PLCZ1: variants seen among roughly 807,000 people sequenced by gnomAD.
PLCZ1 encodes the protein phospholipase C zeta 1.
Under a neutral mutation model 76.8 loss-of-function variants are expected in PLCZ1, and 64 were observed. That is an observed-to-expected ratio of 0.83 (90% CI 0.68 to 1.03). PLCZ1 has a LOEUF of 1.03. Ranked by LOEUF, PLCZ1 falls within the 50% of genes least tolerant of loss-of-function variation. PLCZ1 has a pLI of 0.00. For missense variants in PLCZ1, 751 were observed against 713.7 expected (o/e 1.05, Z -0.60); for synonymous variants, 248 against 230.8 (o/e 1.07, Z -0.68).
At chr12:18,698,044 C>T (rs1248423167) in intron 10 of PLCZ1, among the ~76,000 whole-genome samples, 2 of 151,300 alleles carry the variant, frequency 1.3e-5, no homozygotes, top group Non-Finnish European at 1.5e-5. Context: ...GCTGTGCCTA[C>T]AGGTCCTGTC....
At chr12:18,683,041 G>A (rs984018835), downstream of PLCZ1, 5 of 592,850 alleles carry the variant, frequency 8.4e-6, no homozygotes, top group South Asian at 1.0e-4. Flanking sequence ...ACGCCATGCT[G>A]GGTTAGGACC....
At chr12:18,683,022 C>T, downstream of PLCZ1, 1 of 535,846 alleles carries the variant, frequency 1.9e-6, no homozygotes. Context: ...GAGAAATCAG[C>T]AAACAAGAAC....
chr12:18,655,259 C>A, the PLCZ1 span, among the ~76,000 whole-genome samples: 1 of 152,138 alleles, frequency 6.6e-6, no homozygotes, highest in African/African-American at 2.4e-5. Flanking sequence ...TCCAGTGGTC[C>A]TCCAGCTGAA....
chr12:18,659,618 T>C, the PLCZ1 span, among the ~76,000 whole-genome samples: 517 of 151,940 alleles, frequency 3.4e-3, 3 homozygotes, highest in Non-Finnish European at 4.5e-3. Flanking sequence ...TTCATTTACG[T>C]GTCAGGCCTC....
rs542075233 is a variant in PLCZ1 at position 18,723,604 on chromosome 12, T to C, written c.136-62A>G. ...TATAAAAAATACATAAAATGAATAT[T>C]AGAGTATTTATGTAACATGTAGTAA... On this transcript the variant is annotated intron_variant, in intron 3 of 14. Transcript: ENST00000266505. 2.9e-5 allele frequency: 36 copies of C among 1,231,070 alleles called. No individual in the cohort carries two copies. The African/African-American group carries it at 4.4e-4, about 15-fold the overall frequency. The allele number at this position is 1,231,070 out of a possible 1,614,324, so 76.3% of individuals were successfully genotyped here. A position where few individuals can be genotyped will look rare whatever the true frequency, so the allele number is the denominator to read the frequency against.
intron 13 of PLCZ1, among the ~76,000 whole-genome samples, chr12:18,685,236 A>T (rs141843147): frequency 4.6e-5 from 7 of 152,132 alleles, no homozygotes; most frequent in Admixed American, 4.6e-4. Context: ...GATGAATTTC[A>T]ATCTCTAAGA....
At chr12:18,688,574 T>C (rs1953549204) in intron 12 of PLCZ1, among the ~76,000 whole-genome samples, 1 of 151,170 alleles carries the variant, frequency 6.6e-6, no homozygotes, top group African/African-American at 2.4e-5. Context: ...ATATATATGC[T>C]GGAAAAAATT....
At chr12:18,687,749 ATTTAATACAAAG>A (rs1234951235) in intron 13 of PLCZ1, among the ~76,000 whole-genome samples, 3 of 152,074 alleles carry the variant, frequency 2.0e-5, no homozygotes, top group African/African-American at 7.2e-5. Flanking sequence ...CAAATTTTTG[ATTTAATACAAAG>A]GCTAGAAGCT....
At chr12:18,656,926 T>G in the PLCZ1 span, among the ~76,000 whole-genome samples, 1 of 152,188 alleles carries the variant, frequency 6.6e-6, no homozygotes, top group African/African-American at 2.4e-5. Flanking sequence ...CCCCATCTCC[T>G]GCTCCCAGCT....
the PLCZ1 span, among the ~76,000 whole-genome samples, chr12:18,660,692 G>A: frequency 6.6e-6 from 1 of 152,038 alleles, no homozygotes; most frequent in African/African-American, 2.4e-5. Flanking sequence ...TTCTGGGAAA[G>A]GAGAAGAATC....
the PLCZ1 span, among the ~76,000 whole-genome samples, chr12:18,662,338 A>G: frequency 6.6e-6 from 1 of 152,102 alleles, no homozygotes. Context: ...TTTTTAAAAA[A>G]CACAAAATTG....
chr12:18,668,569 G>T, the PLCZ1 span, among the ~76,000 whole-genome samples: 1 of 152,100 alleles, frequency 6.6e-6, no homozygotes, highest in African/African-American at 2.4e-5. Flanking sequence ...GATCATGCAT[G>T]CTGGACCATC....
intron 6 of PLCZ1, among the ~76,000 whole-genome samples, chr12:18,711,285 C>A (rs910371772): frequency 6.9e-6 from 1 of 145,194 alleles, no homozygotes; most frequent in Non-Finnish European, 1.5e-5. Context: ...ATCGCAAGGA[C>A]AAAAAACCAA....
downstream of PLCZ1, among the ~76,000 whole-genome samples, chr12:18,682,729 A>G (rs1172185397): frequency 6.6e-6 from 1 of 151,914 alleles, no homozygotes; most frequent in Non-Finnish European, 1.5e-5. Flanking sequence ...CAGGGTACCA[A>G]CTCCAGTGCA....
chr12:18,708,702 C>T (rs1272684055), intron 6 of PLCZ1, among the ~76,000 whole-genome samples: 1 of 152,106 alleles, frequency 6.6e-6, no homozygotes, highest in African/African-American at 2.4e-5. Context: ...GACCTTCTAA[C>T]ATGGTAAGAC....
At chr12:18,672,019 C>T in the PLCZ1 span, among the ~76,000 whole-genome samples, 2 of 152,144 alleles carry the variant, frequency 1.3e-5, no homozygotes, top group Admixed American at 6.5e-5. Context: ...TAGTCACCCA[C>T]CAAAGGCCCC....
chr12:18,684,352 TC>T, intron 13 of PLCZ1, 73 bp from the exon 14 acceptor site: 1 of 1,437,226 alleles, frequency 7.0e-7, no homozygotes. Flanking sequence ...ACATTTGTTC[TC>T]CAAACTTTTT....
chr12:18,702,418 A>G (rs149796315), intron 7 of PLCZ1, among the ~76,000 whole-genome samples: 76 of 152,266 alleles, frequency 5.0e-4, no homozygotes, highest in African/African-American at 1.7e-3. Flanking sequence ...CCCTTAGGAT[A>G]ATTTCTTTAA....
intron 6 of PLCZ1, among the ~76,000 whole-genome samples, chr12:18,705,822 C>T (rs1675911667): frequency 1.3e-5 from 2 of 151,908 alleles, no homozygotes; most frequent in African/African-American, 2.4e-5. Flanking sequence ...GCCGAGGTTG[C>T]GCCATTGCAT....
Sources: gnomAD v4.1 joint callset for allele counts (sites outside exome capture counted in the v4.1 genomes callset) on GRCh38, gnomAD v4.1.1 for gene constraint, MANE v1.5 for transcripts, NCBI Gene and HGNC (gene_info 2026-07-23, HGNC 2026-07-21) for gene names.